Variants in ITPR2 observed in about 807,000 individuals in gnomAD.
ITPR2 encodes inositol 1,4,5-trisphosphate receptor type 2.
A neutral mutation model predicts 317.1 loss-of-function variants in ITPR2; 207 were observed. The ratio of observed to expected loss-of-function variants is 0.65; its 90% CI spans 0.58 to 0.73. The LOEUF (loss-of-function observed/expected upper bound fraction) is 0.73, where lower values mean the gene tolerates loss of function less well. ITPR2 is among the 30% of genes least tolerant of loss of function. The pLI, the probability that ITPR2 is intolerant of heterozygous loss-of-function variation, is 0.00. For missense variants in ITPR2, 2,613 were observed against 3,284.0 expected (o/e 0.80, Z 4.99); for synonymous variants, 1,156 against 1,149.1 (o/e 1.01, Z -0.12).
chr12:26,561,913 CT>C lies in ITPR2; in HGVS notation c.4669del (p.Ser1557AlafsTer8). The C allele has an allele frequency of 6.5e-7, 1 of 1,545,022 alleles. No individual in the cohort carries two copies. The highest frequency in any genetic ancestry group is 8.6e-7 in the Non-Finnish European group (1 of 1,156,320). ...CTTCATGAAAAGAGTATTAACTTGGCTGTCCAAATCCACTGGAATGGCAATT... is the reference window on the plus strand; with the variant it reads ...CTTCATGAAAAGAGTATTAACTTGGCGTCCAAATCCACTGGAATGGCAATT... ...RGIAIPVDLD[S>X]QVNTLFMKSH... On this transcript the variant is annotated frameshift_variant, in exon 35 of 57. Coordinates refer to ENST00000381340, the MANE Select transcript of ITPR2 (RefSeq NM_002223.4). LOFTEE classifies it high-confidence loss of function.
At chr12:26,604,786 T>C (rs1413892013) in intron 26 of ITPR2, among the ~76,000 whole-genome samples, 2 of 152,112 alleles carry the variant, frequency 1.3e-5, no homozygotes, top group African/African-American at 4.8e-5. Flanking sequence ...ACATTAATCA[T>C]GAAGTGAATC....
Position 26,365,120 on chromosome 12 carries a change from T to C in ITPR2, c.7857+22314A>G, listed in dbSNP as rs138256989. 5.2e-3 allele frequency among the ~76,000 whole-genome samples: 790 copies of C among 152,342 alleles called. 6 individuals are homozygous for C. Among genetic ancestry groups the C allele is most frequent in the Non-Finnish European group, 8.9e-3 (608 of 68,026 alleles). ...CCAGGTAGAACACAGAAGGGAGTCA[T>C]AGTTTTATTTTAGGGTTTACTAGCA... On this transcript the variant is annotated intron_variant, in intron 55 of 56. Transcript: ENST00000381340.
chr12:26,626,751 A>G (rs983538687), intron 23 of ITPR2, among the ~76,000 whole-genome samples: 7 of 152,240 alleles, frequency 4.6e-5, no homozygotes, highest in Non-Finnish European at 8.8e-5. Flanking sequence ...CATTTTAACT[A>G]CATGCTTGTA....
chr12:26,349,074 G>A (rs1295292326), intron 55 of ITPR2, among the ~76,000 whole-genome samples: 1 of 152,156 alleles, frequency 6.6e-6, no homozygotes, highest in Non-Finnish European at 1.5e-5. Context: ...TTCGAGCCTA[G>A]AAGGTAGAGA....
At chr12:26,351,175 C>T (rs935358774) in intron 55 of ITPR2, among the ~76,000 whole-genome samples, 3 of 152,172 alleles carry the variant, frequency 2.0e-5, no homozygotes, top group Non-Finnish European at 2.9e-5. Flanking sequence ...GGGCACTGGT[C>T]CCAATGCTGA....
intron 2 of ITPR2, among the ~76,000 whole-genome samples, chr12:26,748,724 G>A (rs1284443016): frequency 6.6e-6 from 1 of 152,182 alleles, no homozygotes; most frequent in Admixed American, 6.5e-5. Flanking sequence ...TGAAACAGTA[G>A]GTGGGATTCT....
At chr12:26,379,507 T>C (rs534490726) in intron 55 of ITPR2, among the ~76,000 whole-genome samples, 1 of 152,306 alleles carries the variant, frequency 6.6e-6, no homozygotes, top group East Asian at 1.9e-4. Context: ...CCAGTACCAA[T>C]ATTTAGCTGG....
At chr12:26,670,945 A>G (rs1372334898) in intron 13 of ITPR2, among the ~76,000 whole-genome samples, 1 of 152,204 alleles carries the variant, frequency 6.6e-6, no homozygotes. Flanking sequence ...AAGAAAGGGT[A>G]TCAGCAATGG....
At chr12:26,404,703 G>A (rs113605255) in intron 52 of ITPR2, among the ~76,000 whole-genome samples, 15 of 152,174 alleles carry the variant, frequency 9.9e-5, no homozygotes, top group African/African-American at 3.4e-4. Flanking sequence ...CCCAGAGGAA[G>A]GTTGAATTGG....
At chr12:26,771,525 G>A (rs372528055) in intron 2 of ITPR2, among the ~76,000 whole-genome samples, 1 of 151,916 alleles carries the variant, frequency 6.6e-6, no homozygotes, top group Non-Finnish European at 1.5e-5. Flanking sequence ...TTTTTGTTTT[G>A]TTTTTTTGAA....
chr12:26,656,288 C>T lies in ITPR2; in HGVS notation c.2444+9G>A, dbSNP rs758742309. 6 of 1,612,246 alleles carry T rather than the reference C, an allele frequency of 3.7e-6. No homozygotes were observed. The South Asian group carries it at 4.4e-5, about 12-fold the overall frequency. ...ATTCCAAAGCCTCAAGACCTTTTTC[C>T]AAACATACTCATGAATTGTGATCTT... On this transcript the variant is annotated intron_variant, in intron 19 of 56. Coordinates refer to ENST00000381340, the MANE Select transcript of ITPR2 (RefSeq NM_002223.4).
At chr12:26,742,670 C>T (rs1002699725) in intron 2 of ITPR2, among the ~76,000 whole-genome samples, 4 of 151,836 alleles carry the variant, frequency 2.6e-5, no homozygotes, top group East Asian at 1.9e-4. Context: ...AAAAATTAGC[C>T]GGGAGTGGTG....
intron 25 of ITPR2, 31 bp downstream of exon 25, chr12:26,622,209 T>C (rs745368219): frequency 5.7e-6 from 9 of 1,584,778 alleles, no homozygotes; most frequent in Non-Finnish European, 7.7e-6. Flanking sequence ...GAGCTTTTGC[T>C]GTGGATGCAT....
intron 37 of ITPR2, among the ~76,000 whole-genome samples, chr12:26,517,173 T>A (rs1466460969): frequency 6.6e-6 from 1 of 151,992 alleles, no homozygotes; most frequent in Non-Finnish European, 1.5e-5. Context: ...CAACAATAAT[T>A]AAAATACTAT....
At chr12:26,507,857 C>CTGTGTG (rs369130996) in intron 37 of ITPR2, among the ~76,000 whole-genome samples, 33 of 88,334 alleles carry the variant, frequency 3.7e-4, no homozygotes, top group African/African-American at 1.1e-3. Flanking sequence ...TCTTCTCTCT[C>CTGTGTG]TGTCTCTGTG....
At chr12:26,609,998 C>G (rs1646590447) in intron 26 of ITPR2, among the ~76,000 whole-genome samples, 1 of 152,110 alleles carries the variant, frequency 6.6e-6, no homozygotes. Flanking sequence ...AATAAATATA[C>G]AATGAGGTCT....
intron 35 of ITPR2, among the ~76,000 whole-genome samples, chr12:26,560,664 C>T (rs1944791908): frequency 6.6e-6 from 1 of 152,142 alleles, no homozygotes; most frequent in Admixed American, 6.5e-5. Flanking sequence ...TCACTAGTCC[C>T]TCTTCCTCTA....
chr12:26,494,771 G>GAAAAA (rs71069245), intron 38 of ITPR2, among the ~76,000 whole-genome samples: 1,228 of 50,342 alleles, frequency 0.024, 239 homozygotes, highest in Middle Eastern at 0.12. Context: ...CTCTGCCTCA[G>GAAAAA]AAAAAAAAAA....
At chr12:26,490,850 G>C (rs892589590) in intron 39 of ITPR2, among the ~76,000 whole-genome samples, 1 of 152,184 alleles carries the variant, frequency 6.6e-6, no homozygotes, top group Admixed American at 6.5e-5. Flanking sequence ...TGGTAGAAAT[G>C]TCATTAAAGA....
Sources: gnomAD v4.1 joint callset for allele counts (sites outside exome capture counted in the v4.1 genomes callset) on GRCh38, gnomAD v4.1.1 for gene constraint, MANE v1.5 for transcripts, NCBI Gene and HGNC (gene_info 2026-07-23, HGNC 2026-07-21) for gene names.